Variants in SLC16A4 observed in about 807,000 individuals in gnomAD.
The protein encoded by SLC16A4 is solute carrier family 16 member 4, also known as probable monocarboxylate transporter 5.
A neutral mutation model predicts 47.9 loss-of-function variants in SLC16A4; 39 were observed. That is an observed-to-expected ratio of 0.81 (90% CI 0.63 to 1.06). The LOEUF (loss-of-function observed/expected upper bound fraction) is 1.06. Among genes scored for constraint, SLC16A4 ranks in the 50% least tolerant of loss-of-function variants. SLC16A4 has a pLI of 0.00. For missense variants in SLC16A4, 524 were observed against 573.8 expected (o/e 0.91, Z 0.89); for synonymous variants, 189 against 199.9 (o/e 0.95, Z 0.46).
chr1:110,379,144 G>C lies in SLC16A4; in HGVS notation c.739C>G (p.Leu247Val). 1 of 1,614,222 alleles carries C rather than the reference G, an allele frequency of 6.2e-7. No homozygotes were observed. Among genetic ancestry groups the C allele is most frequent in the Non-Finnish European group, 8.5e-7 (1 of 1,180,044 alleles). ...IKDSTTQKAGLPSKNLTVSQN... is the reference protein window; with the variant it reads ...IKDSTTQKAGVPSKNLTVSQN... ...GAGACTGTTAAATTTTTGCTAGGTA[G>C]TCCAGCCTTCTGCGTAGTACTGTCC... The change falls in exon 6 of 9, where the codon CTA becomes GTA. Residue 247 changes from leucine to valine, a missense_variant. Leu to Val is a conservative substitution (Grantham distance 32). Coordinates refer to ENST00000369779, the MANE Select transcript of SLC16A4 (RefSeq NM_004696.3).
chr1:110,381,231 C>T lies in SLC16A4; in HGVS notation c.365-88G>A, dbSNP rs949996916. On this transcript the variant is annotated intron_variant, in intron 4 of 8. Coordinates refer to ENST00000369779, the MANE Select transcript of SLC16A4 (RefSeq NM_004696.3). ...ATAATCTCCTGGATCCGAGATAATA[C>T]AGCTAGGCCTTTTGGACCCAGGAAC... is the stretch of plus-strand genomic sequence containing the variant. 3.2e-6 allele frequency: 4 copies of T among 1,257,252 alleles called. No individual in the cohort carries two copies. In the African/African-American group the frequency reaches 4.5e-5, roughly 14 times the overall value. 77.9% of individuals were successfully genotyped at this position (1,257,252 alleles called of 1,614,324 possible).
chr1:110,376,838 A>C, intron 7 of SLC16A4, 112 bp downstream of exon 7: 1 of 909,390 alleles, frequency 1.1e-6, no homozygotes, highest in Non-Finnish European at 1.7e-6. Context: ...AAGGTCTTTG[A>C]AATGATTTTT....
intron 3 of SLC16A4, among the ~76,000 whole-genome samples, 170 bp downstream of exon 3, chr1:110,382,664 T>C (rs1275839952): frequency 6.6e-6 from 1 of 152,186 alleles, no homozygotes; most frequent in African/African-American, 2.4e-5. Flanking sequence ...ACTTTGTTAC[T>C]AAGTCAAGTG....
chr1:110,375,192 C>A, intron 8 of SLC16A4: 1 of 270,594 alleles, frequency 3.7e-6, no homozygotes, highest in Non-Finnish European at 6.9e-6. Context: ...TCTGGATTGT[C>A]TCCCCAGACA....
chr1:110,363,889 C>T lies in SLC16A4; in HGVS notation c.1341G>A (p.Trp447Ter). The stretch of plus-strand genomic sequence containing the variant: ...TGTATGTCTGGGTATAATCATATAA[C>T]CAGCCTGGAAGGAAGGAATGATTTC... ...AVLSGPPIAG[W>*]LYDYTQTYNG... is the part of the protein sequence containing the mutation. The change falls in exon 9 of 9, where the codon TGG becomes TGA. Residue 447 changes from tryptophan to a stop codon, truncating the protein, a stop_gained. Coordinates refer to ENST00000369779, the MANE Select transcript of SLC16A4 (RefSeq NM_004696.3). LOFTEE classifies it high-confidence loss of function. 2 of 1,605,364 alleles carry T rather than the reference C, an allele frequency of 1.2e-6. No individual in the cohort carries two copies. Among genetic ancestry groups the T allele is most frequent in the Non-Finnish European group, 1.7e-6 (2 of 1,176,798 alleles).
Position 110,378,969 on chromosome 1 carries a change from G to T in SLC16A4, c.914C>A (p.Thr305Asn). The T allele has an allele frequency of 6.2e-7, 1 of 1,614,204 alleles. No individual in the cohort carries two copies. ...TAACTGACTGAGGAGAAAAGACCAAGTAAATATGTAGAAGAAAGGATTTCT... is the reference window on the plus strand; with the variant it reads ...TAACTGACTGAGGAGAAAAGACCAATTAAATATGTAGAAGAAAGGATTTCT... The part of the protein sequence containing the change: ...LFRNPFFYIF[T>N]WSFLLSQLAY... Residue 305 changes from threonine (T) to asparagine (N), a missense_variant, in exon 6 of 9, where the codon ACT becomes AAT. Transcript: ENST00000369779.
intron 1 of SLC16A4, among the ~76,000 whole-genome samples, chr1:110,390,303 G>A (rs2101090959): frequency 6.6e-6 from 1 of 152,268 alleles, no homozygotes; most frequent in Non-Finnish European, 1.5e-5. Flanking sequence ...GAACTCTTAA[G>A]AGAAATAGAA....
chr1:110,372,344 T>C (rs751893181), intron 8 of SLC16A4: 1 of 152,232 alleles, frequency 6.6e-6, no homozygotes, highest in Non-Finnish European at 1.5e-5. Context: ...ATAACAGATT[T>C]AGGTAAGTAA....
At position 110,375,474 on chromosome 1, in the gene SLC16A4, A is replaced by G. The variant is rs746210004; in HGVS notation, c.1320T>C (p.Ser440=). 3 of 1,610,342 alleles carry G rather than the reference A, an allele frequency of 1.9e-6. No homozygotes were observed. Among genetic ancestry groups the G allele is most frequent in the Admixed American group, 3.3e-5 (2 of 60,014 alleles). The change falls in exon 8 of 9, where the codon TCT becomes TCC. Residue 440 remains serine, a synonymous_variant. Transcript: ENST00000369779. ...ASFFAGMAVL[S]GPPIAGWLYD... ...AGGTGTTACCTGCTATAGGTGGTCC[A>G]GAAAGGACAGCCATCCCAGCAAAGA...
At chr1:110,380,222 T>G (rs1662296792) in intron 5 of SLC16A4, among the ~76,000 whole-genome samples, 1 of 152,152 alleles carries the variant, frequency 6.6e-6, no homozygotes, top group African/African-American at 2.4e-5. Context: ...ATTTGTATGG[T>G]GCTTCTAAAG....
chr1:110,366,538 G>A (rs1557900418), intron 8 of SLC16A4, among the ~76,000 whole-genome samples: 1 of 152,152 alleles, frequency 6.6e-6, no homozygotes, highest in African/African-American at 2.4e-5. Flanking sequence ...CATTTTTACT[G>A]TATCTATGTT....
chr1:110,377,221 C>T, intron 6 of SLC16A4, 60 bp from the exon 7 acceptor site: 1 of 1,344,338 alleles, frequency 7.4e-7, no homozygotes. Context: ...TGAATGCATA[C>T]AGCATCATTT....
chr1:110,372,815 A>G (rs558049639), intron 8 of SLC16A4: 1 of 152,352 alleles, frequency 6.6e-6, no homozygotes, highest in South Asian at 2.1e-4. Context: ...ATTAATGGGT[A>G]AAAAATATAT....
intron 1 of SLC16A4, among the ~76,000 whole-genome samples, chr1:110,389,652 C>G (rs770999616): frequency 6.6e-6 from 1 of 152,222 alleles, no homozygotes; most frequent in African/African-American, 2.4e-5. Flanking sequence ...AATCAACCTA[C>G]GTGCTCATCA....
At chr1:110,386,496 T>G (rs776029276) in intron 2 of SLC16A4, among the ~76,000 whole-genome samples, 1 of 152,154 alleles carries the variant, frequency 6.6e-6, no homozygotes, top group Non-Finnish European at 1.5e-5. Flanking sequence ...ACCCTAGAAC[T>G]TCTCCAGTCC....
chr1:110,369,861 GA>G (rs1450882591), intron 8 of SLC16A4, among the ~76,000 whole-genome samples: 1 of 152,190 alleles, frequency 6.6e-6, no homozygotes, highest in African/African-American at 2.4e-5. Flanking sequence ...GCCATGATCG[GA>G]AAAATCTTGG....
chr1:110,374,197 C>T (rs1661850715), intron 8 of SLC16A4, among the ~76,000 whole-genome samples: 2 of 151,982 alleles, frequency 1.3e-5, no homozygotes, highest in South Asian at 4.1e-4. Flanking sequence ...TCTGCCATTA[C>T]ACTCGGCTAA....
intron 8 of SLC16A4, among the ~76,000 whole-genome samples, chr1:110,366,204 G>C (rs1006734929): frequency 6.6e-6 from 1 of 151,674 alleles, no homozygotes; most frequent in Non-Finnish European, 1.5e-5. Context: ...TGTTGCCCAG[G>C]CTGGAGTGAG....
In SLC16A4 at chr1:110,384,641, C is replaced by G. The variant is rs2101065360; in HGVS notation, c.88-1675G>C. 1.3e-5 allele frequency among the ~76,000 whole-genome samples: 2 copies of G among 152,328 alleles called. 1 individual carries two copies. The highest frequency in any genetic ancestry group is 2.9e-5 in the Non-Finnish European group (2 of 68,032). On this transcript the variant is annotated intron_variant, in intron 2 of 8. Coordinates refer to ENST00000369779, the MANE Select transcript of SLC16A4 (RefSeq NM_004696.3). The stretch of plus-strand genomic sequence containing the variant: ...TTCACTCGTAAAGCCCAGGTGTACT[C>G]TCTGTCTCCAGGGGTTTCGTAGCGT...
Sources: gnomAD v4.1 joint callset for allele counts (sites outside exome capture counted in the v4.1 genomes callset) on GRCh38, gnomAD v4.1.1 for gene constraint, MANE v1.5 for transcripts, NCBI Gene and HGNC (gene_info 2026-07-23, HGNC 2026-07-21) for gene names.